FSTL4: variants seen among roughly 807,000 people sequenced by gnomAD.
FSTL4 encodes follistatin-related protein 4.
FSTL4 carries 28 observed loss-of-function variants against 78.2 expected under a neutral mutation model. The observed-to-expected ratio is 0.36, with a 90% confidence interval of 0.27 to 0.49. FSTL4 has a LOEUF of 0.49. FSTL4 is among the 20% of genes least tolerant of loss of function. FSTL4 has a pLI of 0.98. For synonymous variants in FSTL4, 422 were observed against 440.5 expected, an observed-to-expected ratio of 0.96 and a Z score of 0.53; for missense variants, 922 against 1,084.9, an observed-to-expected ratio of 0.85 and a Z score of 2.11.
chr5:133,400,642 G>A, intron 4 of FSTL4, 96 bp downstream of exon 4: 1 of 1,124,014 alleles, frequency 8.9e-7, no homozygotes. Flanking sequence ...CTAAACATAT[G>A]TAACTTGTAG....
intron 4 of FSTL4, among the ~76,000 whole-genome samples, chr5:133,384,123 G>A (rs1008292312): frequency 6.6e-6 from 1 of 152,182 alleles, no homozygotes; most frequent in Non-Finnish European, 1.5e-5. Context: ...CTGGAATCAA[G>A]CTGCTTCCCC....
chr5:133,340,734 C>T (rs186952166), intron 4 of FSTL4, among the ~76,000 whole-genome samples: 30 of 152,204 alleles, frequency 2.0e-4, no homozygotes, highest in African/African-American at 7.0e-4. Flanking sequence ...GCCTATCGTA[C>T]AGATATTTGA....
chr5:133,635,480 G>A, the FSTL4 span, among the ~76,000 whole-genome samples: 1 of 152,328 alleles, frequency 6.6e-6, no homozygotes, highest in East Asian at 1.9e-4. Flanking sequence ...AACTGCCTTG[G>A]CGGCTGGGCA....
the FSTL4 span, among the ~76,000 whole-genome samples, chr5:133,826,592 A>C: frequency 2.0e-5 from 3 of 152,266 alleles, no homozygotes; most frequent in East Asian, 5.8e-4. Flanking sequence ...TCTGTGTCTC[A>C]AATCCCCCGT....
the FSTL4 span, among the ~76,000 whole-genome samples, chr5:133,747,836 A>T: frequency 6.6e-6 from 1 of 151,940 alleles, no homozygotes; most frequent in Admixed American, 6.5e-5. Context: ...GCTCTGGAGG[A>T]TGGTTTTAGA....
At chr5:133,389,380 C>T (rs1755784444) in intron 4 of FSTL4, among the ~76,000 whole-genome samples, 2 of 152,126 alleles carry the variant, frequency 1.3e-5, no homozygotes, top group Admixed American at 1.3e-4. Flanking sequence ...TCTTAACTTC[C>T]CTGTAACCAG....
the FSTL4 span, among the ~76,000 whole-genome samples, chr5:133,713,361 G>A: frequency 6.6e-6 from 1 of 152,210 alleles, no homozygotes; most frequent in African/African-American, 2.4e-5. Context: ...GAAGGAAATA[G>A]CTCAGGACCT....
At chr5:133,724,049 A>G in the FSTL4 span, among the ~76,000 whole-genome samples, 1 of 152,212 alleles carries the variant, frequency 6.6e-6, no homozygotes, top group South Asian at 2.1e-4. Flanking sequence ...CTTGCCCTAG[A>G]GCAGGACACA....
chr5:133,363,652 C>T (rs985995300), intron 4 of FSTL4, among the ~76,000 whole-genome samples: 3 of 152,120 alleles, frequency 2.0e-5, no homozygotes, highest in African/African-American at 4.8e-5. Flanking sequence ...CAAGGCTGCT[C>T]CTGAACCTCC....
chr5:133,441,851 A>C (rs1757165180), intron 3 of FSTL4, among the ~76,000 whole-genome samples: 1 of 152,174 alleles, frequency 6.6e-6, no homozygotes, highest in African/African-American at 2.4e-5. Flanking sequence ...TCTTGCATGG[A>C]TTTTAGTCCA....
Position 133,237,098 on chromosome 5 carries a change from A to G in FSTL4, c.895-3561T>C, listed in dbSNP as rs7735495. On this transcript the variant is annotated intron_variant, in intron 7 of 15. Transcript: ENST00000265342. Reference sequence around the variant, plus strand: ...GAGGTGCCCACCTGCCTTCCTGTCCACTCAAATATTACCCAGCCACACAGG... The same window carrying G: ...GAGGTGCCCACCTGCCTTCCTGTCCGCTCAAATATTACCCAGCCACACAGG... Among the ~76,000 whole-genome samples, 1,080 of 152,122 alleles carry G rather than the reference A, an allele frequency of 7.1e-3. 11 individuals are homozygous for G. The highest frequency in any genetic ancestry group is 0.023 in the African/African-American group (952 of 41,504).
At chr5:133,794,313 C>T in the FSTL4 span, among the ~76,000 whole-genome samples, 91 of 152,306 alleles carry the variant, frequency 6.0e-4, no homozygotes, top group East Asian at 0.01. Context: ...TTACAGACAG[C>T]GATGCAGACA....
intron 3 of FSTL4, among the ~76,000 whole-genome samples, chr5:133,506,251 T>C (rs1240960966): frequency 6.6e-6 from 1 of 152,238 alleles, no homozygotes; most frequent in South Asian, 2.1e-4. Context: ...TGTGTTTCCC[T>C]AACTCTAGCT....
the FSTL4 span, among the ~76,000 whole-genome samples, chr5:133,634,922 T>C: frequency 2.6e-5 from 4 of 152,182 alleles, no homozygotes; most frequent in African/African-American, 7.2e-5. Flanking sequence ...AGTACTGCCT[T>C]GTTCATCCAG....
intron 4 of FSTL4, among the ~76,000 whole-genome samples, chr5:133,360,653 G>C (rs538558669): frequency 6.6e-6 from 1 of 152,142 alleles, no homozygotes; most frequent in South Asian, 2.1e-4. Flanking sequence ...CATTTAAAAA[G>C]TAAACTTTTT....
At chr5:133,293,303 T>C (rs1162287164) in intron 6 of FSTL4, among the ~76,000 whole-genome samples, 1 of 152,244 alleles carries the variant, frequency 6.6e-6, no homozygotes, top group Non-Finnish European at 1.5e-5. Context: ...CTTTTGCATC[T>C]GTGTTCAGGT....
At chr5:133,241,456 C>A (rs1751871241) in intron 7 of FSTL4, among the ~76,000 whole-genome samples, 1 of 152,210 alleles carries the variant, frequency 6.6e-6, no homozygotes, top group Non-Finnish European at 1.5e-5. Context: ...TACACAGAGG[C>A]CCAGGCACCT....
Position 133,424,109 on chromosome 5 carries a change from A to G in FSTL4, c.161-23123T>C, listed in dbSNP as rs113228251. On this transcript the variant is annotated intron_variant, in intron 3 of 15. Transcript: ENST00000265342. ...ACCACATTCTGTCTGACGCCAGCAG[A>G]AGAAGTGCCTGTCCCCAAGATTTCA... Among the ~76,000 whole-genome samples the G allele has an allele frequency of 3.9e-5, 6 of 152,336 alleles. 1 individual carries two copies. Among genetic ancestry groups the G allele is most frequent in the African/African-American group, 1.4e-4 (6 of 41,594 alleles).
chr5:133,814,016 G>A, the FSTL4 span, among the ~76,000 whole-genome samples: 2 of 152,152 alleles, frequency 1.3e-5, no homozygotes, highest in African/African-American at 4.8e-5. Flanking sequence ...CCTACAACTC[G>A]CTAATTGTAC....
Sources: allele counts gnomAD v4.1 joint callset (sites outside exome capture counted in the v4.1 genomes callset), GRCh38; gene constraint gnomAD v4.1.1; transcripts MANE v1.5; gene names NCBI Gene and HGNC (gene_info 2026-07-23, HGNC 2026-07-21).